STYXL1: variants seen among roughly 807,000 people sequenced by gnomAD.
STYXL1 encodes serine/threonine/tyrosine-interacting-like protein 1.
A neutral mutation model predicts 36.4 loss-of-function variants in STYXL1; 32 were observed. That is an observed-to-expected ratio of 0.88 (90% CI 0.66 to 1.18). The LOEUF (loss-of-function observed/expected upper bound fraction) is 1.18. Among genes scored for constraint, STYXL1 ranks in the 50% most tolerant of loss-of-function variants. The pLI is 0.00. For synonymous variants in STYXL1, 133 were observed against 144.1 expected (o/e 0.92, Z 0.55); for missense variants, 354 against 394.1 (o/e 0.90, Z 0.86).
chr7:76,008,717 G>A (rs141350850), intron 5 of STYXL1, among the ~76,000 whole-genome samples: 19 of 152,128 alleles, frequency 1.2e-4, no homozygotes, highest in African/African-American at 4.3e-4. Context: ...TAAAAATCTC[G>A]CTAAAAGGCC....
chr7:76,006,970 T>C (rs1051810236), intron 5 of STYXL1, among the ~76,000 whole-genome samples: 1 of 152,112 alleles, frequency 6.6e-6, no homozygotes, highest in Non-Finnish European at 1.5e-5. Flanking sequence ...CAAGCAACCT[T>C]GGATGAAAAA....
Position 76,047,931 on chromosome 7 carries a change from C to T in STYXL1, c.-274G>A. 6.9e-7 allele frequency: 1 copy of T among 1,446,778 alleles called. No homozygotes were observed. 89.6% of individuals were successfully genotyped at this position (1,446,778 alleles called of 1,614,324 possible). A position where few individuals can be genotyped will look rare whatever the true frequency, so the allele number is the denominator to read the frequency against. ...CCCCCACCGGCCACACAGACGGCTACGCTAGAACCCAGCCAAACACCGGGG... is the reference window on the plus strand; with the variant it reads ...CCCCCACCGGCCACACAGACGGCTATGCTAGAACCCAGCCAAACACCGGGG... On this transcript the variant is annotated 5_prime_UTR_variant, in exon 1 of 9. Transcript: ENST00000359697.
chr7:76,047,897 A>G lies in STYXL1; in HGVS notation c.-240T>C. 1.4e-6 allele frequency: 2 copies of G among 1,409,962 alleles called. No homozygotes were observed. The highest frequency in any genetic ancestry group is 1.8e-6 in the Non-Finnish European group (2 of 1,082,596). The allele number at this position is 1,409,962 out of a possible 1,614,324, so 87.3% of individuals were successfully genotyped here. On this transcript the variant is annotated 5_prime_UTR_variant, in exon 1 of 9. Coordinates refer to ENST00000359697, the MANE Select transcript of STYXL1 (RefSeq NM_001317785.2). The stretch of plus-strand genomic sequence containing the variant: ...GGTGCAGACTGGCCCTCCCACTCCG[A>G]CCGCAGGTCCCCCACCGGCCACACA...
rs1554566974 is a variant in STYXL1, at chr7:76,000,983, G to A, written c.717C>T (p.Gly239=). ...GGGTGGAAAAGATCAGAATGACAGAGCCAAGGTGATGGTGAATTTCTGCAA... is the reference window on the plus strand; with the variant it reads ...GGGTGGAAAAGATCAGAATGACAGAACCAAGGTGATGGTGAATTTCTGCAA... The part of the protein sequence containing the change: ...CHFIEIHHHL[G]SVILIFSTQG... Residue 239 remains glycine, a synonymous_variant, in exon 8 of 9, where the codon GGC becomes GGT. Transcript: ENST00000359697. 4 of 1,614,122 alleles carry A rather than the reference G, an allele frequency of 2.5e-6. No individual in the cohort carries two copies. The Admixed American group carries it at 6.7e-5, about 27-fold the overall frequency.
rs978218909 is a variant in STYXL1 at position 76,025,354 on chromosome 7, G to A, written c.165+3288C>T. ...AAAGCTATCAGTCTGAATTGGAGAC[G>A]CTGAGGGGCAGAGGCCCAGAGCAGG... On this transcript the variant is annotated intron_variant, in intron 3 of 8. Coordinates refer to ENST00000359697, the MANE Select transcript of STYXL1 (RefSeq NM_001317785.2). 4.6e-5 allele frequency among the ~76,000 whole-genome samples: 7 copies of A among 152,166 alleles called. No homozygotes were observed. In the East Asian group the frequency reaches 7.7e-4, roughly 17 times the overall value.
At chr7:76,046,669 C>CA (rs1797141437) in intron 1 of STYXL1, among the ~76,000 whole-genome samples, 1 of 103,388 alleles carries the variant, frequency 9.7e-6, no homozygotes, top group Admixed American at 1.2e-4. Flanking sequence ...TTTTTTGAGA[C>CA]AGAGTCTTTC....
At chr7:76,010,969 C>T (rs1201418549) in intron 5 of STYXL1, among the ~76,000 whole-genome samples, 1 of 152,160 alleles carries the variant, frequency 6.6e-6, no homozygotes, top group African/African-American at 2.4e-5. Flanking sequence ...AATTCCAGTA[C>T]TTTGAGAGGC....
intron 7 of STYXL1, among the ~76,000 whole-genome samples, chr7:76,001,650 C>T (rs1585177207): frequency 6.6e-6 from 1 of 152,134 alleles, no homozygotes; most frequent in Non-Finnish European, 1.5e-5. Context: ...CCTGCCACCA[C>T]GCCCAGCTAA....
At chr7:76,003,538 C>T (rs1554568606) in intron 7 of STYXL1, among the ~76,000 whole-genome samples, 2 of 152,232 alleles carry the variant, frequency 1.3e-5, no homozygotes, top group African/African-American at 4.8e-5. Context: ...CCACTGCCCC[C>T]GAGGTAAACA....
At chr7:76,000,202 G>A (rs1232956139) in intron 8 of STYXL1, among the ~76,000 whole-genome samples, 1 of 101,338 alleles carries the variant, frequency 9.9e-6, no homozygotes, top group Non-Finnish European at 1.8e-5. Flanking sequence ...CTGGGCAACA[G>A]AACAAGACTC....
At chr7:76,040,922 C>A (rs1268026363) in intron 1 of STYXL1, among the ~76,000 whole-genome samples, 1 of 151,848 alleles carries the variant, frequency 6.6e-6, no homozygotes, top group Non-Finnish European at 1.5e-5. Flanking sequence ...ATACATGTCC[C>A]CAACTTCCAA....
chr7:76,006,682 T>C (rs1791805787), intron 5 of STYXL1, among the ~76,000 whole-genome samples: 1 of 150,870 alleles, frequency 6.6e-6, no homozygotes, highest in Non-Finnish European at 1.5e-5. Context: ...GAGAATGGCA[T>C]GAACCTGGGA....
At chr7:76,019,813 G>T (rs1793832507) in intron 4 of STYXL1, among the ~76,000 whole-genome samples, 1 of 151,744 alleles carries the variant, frequency 6.6e-6, no homozygotes, top group African/African-American at 2.4e-5. Flanking sequence ...CAGAGTTCAG[G>T]CCAGGCATGG....
At chr7:76,013,452 T>C (rs1015688846) in intron 5 of STYXL1, among the ~76,000 whole-genome samples, 1 of 151,580 alleles carries the variant, frequency 6.6e-6, no homozygotes, top group African/African-American at 2.4e-5. Context: ...TTTGAGACAG[T>C]CTTACTCTGT....
intron 5 of STYXL1, among the ~76,000 whole-genome samples, chr7:76,007,775 G>A (rs1017836836): frequency 3.3e-5 from 5 of 151,494 alleles, no homozygotes; most frequent in Admixed American, 6.6e-5. Flanking sequence ...TAAAAAATTC[G>A]CCAGGCATGG....
chr7:76,027,164 G>A (rs1469759567), intron 3 of STYXL1, among the ~76,000 whole-genome samples: 2 of 152,084 alleles, frequency 1.3e-5, no homozygotes, highest in Non-Finnish European at 2.9e-5. Context: ...GGGGAGAGAC[G>A]GGTCCTGGGC....
At chr7:76,029,333 G>A (rs1474676660) in intron 2 of STYXL1, among the ~76,000 whole-genome samples, 1 of 151,978 alleles carries the variant, frequency 6.6e-6, no homozygotes, top group East Asian at 1.9e-4. Flanking sequence ...TTTTAGTAGA[G>A]ACGGGGTTTC....
chr7:76,046,275 TG>T (rs61668463), intron 1 of STYXL1, among the ~76,000 whole-genome samples: 828 of 12,812 alleles, frequency 0.065, 27 homozygotes, highest in African/African-American at 0.11. Flanking sequence ...GCTTATCTGC[TG>T]TGTGTGTGTG....
rs1554566929 is a variant in STYXL1 at position 76,000,935 on chromosome 7, G to A, written c.765C>T (p.Ala255=). 7 of 1,614,198 alleles carry A rather than the reference G, an allele frequency of 4.3e-6. No individual in the cohort carries two copies. Among genetic ancestry groups the A allele is most frequent in the East Asian group, 2.2e-5 (1 of 44,878 alleles). The change falls in exon 8 of 9, where the codon GCC becomes GCT. Residue 255 remains alanine, a synonymous_variant. Coordinates refer to ENST00000359697, the MANE Select transcript of STYXL1 (RefSeq NM_001317785.2). ...FSTQGISRSC[A]AIIAYLMHSN... is the part of the protein sequence containing the mutation. ...TATGCATGAGGTAGGCTATGATGGC[G>A]GCACAACTGCGGCTGATACCTTGGG...
Sources: gnomAD v4.1 joint callset for allele counts (sites outside exome capture counted in the v4.1 genomes callset) on GRCh38, gnomAD v4.1.1 for gene constraint, MANE v1.5 for transcripts, NCBI Gene and HGNC (gene_info 2026-07-23, HGNC 2026-07-21) for gene names.